The following STPG2 variants were observed in gnomAD, a reference collection of about 807,000 sequenced individuals.
STPG2 encodes sperm tail PG-rich repeat containing 2.
STPG2 carries 56 observed loss-of-function variants against 54.2 expected under a neutral mutation model. The ratio of observed to expected loss-of-function variants is 1.03; its 90% CI spans 0.83 to 1.29. The LOEUF is 1.29. STPG2 is among the 50% of genes most tolerant of loss of function. The probability of loss-of-function intolerance (pLI) is 0.00; values close to 1 mark genes in which losing one functional copy is unlikely to be tolerated. For missense variants in STPG2, 596 were observed against 544.9 expected (o/e 1.09, Z -0.93); for synonymous variants, 200 against 181.8 (o/e 1.10, Z -0.81).
intron 5 of STPG2, among the ~76,000 whole-genome samples, chr4:98,013,871 A>G (rs1410353044): frequency 1.3e-5 from 2 of 151,738 alleles, no homozygotes; most frequent in Non-Finnish European, 2.9e-5. Flanking sequence ...CTTCTTTATT[A>G]ATGTAGCTAG....
At position 97,879,920 on chromosome 4, in the gene STPG2, C is replaced by T. The variant is rs78942433; in HGVS notation, c.1045-38988G>A. 3.7e-3 allele frequency among the ~76,000 whole-genome samples: 567 copies of T among 152,234 alleles called. 12 individuals carry two copies. In the East Asian group the frequency reaches 0.059, roughly 16 times the overall value. On this transcript the variant is annotated intron_variant, in intron 8 of 10. Transcript: ENST00000295268. ...CCTCAAAACACTAAAAATAGAGTTA[C>T]CATATTATCCAGCAATCCCATTTCT...
intron 5 of STPG2, among the ~76,000 whole-genome samples, chr4:98,078,466 C>T (rs1738238858): frequency 6.6e-6 from 1 of 151,628 alleles, no homozygotes; most frequent in Non-Finnish European, 1.5e-5. Context: ...TAAAGAGTAA[C>T]TATCTCATAG....
At chr4:97,544,356 T>C (rs1731789721) in intron 4 of STPG2, among the ~76,000 whole-genome samples, 3 of 152,124 alleles carry the variant, frequency 2.0e-5, no homozygotes, top group Admixed American at 2.0e-4. Flanking sequence ...GATTTATGTG[T>C]TAAAAGAAAT....
chr4:97,845,250 C>A (rs1202541587), intron 8 of STPG2, among the ~76,000 whole-genome samples: 1 of 151,298 alleles, frequency 6.6e-6, no homozygotes. Context: ...CCTAAGTTTT[C>A]AAATTTCAAA....
At chr4:98,122,907 T>C (rs1184651753) in intron 3 of STPG2, among the ~76,000 whole-genome samples, 2 of 152,202 alleles carry the variant, frequency 1.3e-5, no homozygotes, top group Non-Finnish European at 2.9e-5. Flanking sequence ...TTCAACTTCT[T>C]CCTGGTTCAG....
intron 9 of STPG2, among the ~76,000 whole-genome samples, chr4:97,741,948 G>A (rs371653520): frequency 8.2e-4 from 125 of 151,970 alleles, no homozygotes; most frequent in African/African-American, 2.8e-3. Flanking sequence ...ACAATAGCAA[G>A]GACTTGGAAC....
chr4:97,758,606 A>G (rs1284002974), intron 9 of STPG2, among the ~76,000 whole-genome samples: 2 of 152,042 alleles, frequency 1.3e-5, no homozygotes, highest in Admixed American at 1.3e-4. Flanking sequence ...GGAATATCAC[A>G]CATCAGGGCC....
At chr4:97,909,237 A>C (rs940653895) in intron 8 of STPG2, among the ~76,000 whole-genome samples, 1 of 151,982 alleles carries the variant, frequency 6.6e-6, no homozygotes, top group Non-Finnish European at 1.5e-5. Context: ...GAACAACTTT[A>C]TGCAAATACA....
At chr4:97,853,087 C>A (rs530952229) in intron 8 of STPG2, among the ~76,000 whole-genome samples, 2 of 149,154 alleles carry the variant, frequency 1.3e-5, no homozygotes, top group South Asian at 4.2e-4. Context: ...CGCCATTCCC[C>A]TGCCTCATCC....
chr4:97,614,623 A>G (rs1400630549), intron 10 of STPG2, among the ~76,000 whole-genome samples: 1 of 152,094 alleles, frequency 6.6e-6, no homozygotes, highest in Non-Finnish European at 1.5e-5. Flanking sequence ...TTTTGCTTTG[A>G]CTGGACCACT....
chr4:97,894,541 G>T (rs1730889265), intron 8 of STPG2, among the ~76,000 whole-genome samples: 1 of 151,912 alleles, frequency 6.6e-6, no homozygotes, highest in Admixed American at 6.6e-5. Context: ...TTTCTGATGG[G>T]TTCAACTTTT....
intron 9 of STPG2, among the ~76,000 whole-genome samples, chr4:97,720,069 G>T (rs905465701): frequency 6.6e-6 from 1 of 151,830 alleles, no homozygotes; most frequent in Non-Finnish European, 1.5e-5. Context: ...GACCAAATTG[G>T]CAAACTTACT....
intron 9 of STPG2, among the ~76,000 whole-genome samples, chr4:97,823,717 G>A (rs111331904): frequency 0.018 from 2,758 of 152,134 alleles, 75 homozygotes; most frequent in African/African-American, 0.063. Context: ...AGAGACACCC[G>A]ACCCAAAGGA....
chr4:97,533,415 T>C (rs549140965), intron 4 of STPG2, among the ~76,000 whole-genome samples: 2 of 152,228 alleles, frequency 1.3e-5, no homozygotes, highest in African/African-American at 4.8e-5. Flanking sequence ...GTCGTTATTG[T>C]TTCTTAATTC....
At chr4:97,745,855 C>A (rs1725406782) in intron 9 of STPG2, among the ~76,000 whole-genome samples, 2 of 151,162 alleles carry the variant, frequency 1.3e-5, no homozygotes, top group African/African-American at 4.8e-5. Context: ...AATAAAAGTT[C>A]TCAAATGTCA....
intron 10 of STPG2, among the ~76,000 whole-genome samples, chr4:97,657,141 T>C (rs866546057): frequency 3.8e-4 from 57 of 151,974 alleles, no homozygotes; most frequent in Middle Eastern, 3.5e-3. Flanking sequence ...TTTAATGCAA[T>C]AATGGAATAA....
At chr4:98,141,537 C>T (rs1227541887) in intron 1 of STPG2, among the ~76,000 whole-genome samples, 2 of 152,164 alleles carry the variant, frequency 1.3e-5, no homozygotes, top group African/African-American at 2.4e-5. Context: ...CAATTGTCAA[C>T]CAGAAAATGT....
chr4:97,639,469 A>G (rs1056757761), intron 10 of STPG2, among the ~76,000 whole-genome samples: 2 of 152,016 alleles, frequency 1.3e-5, no homozygotes, highest in African/African-American at 4.8e-5. Flanking sequence ...CAATGTGCAC[A>G]TGTACCCTAA....
At chr4:97,502,075 GATAA>G (rs982293579) in intron 4 of STPG2, among the ~76,000 whole-genome samples, 1 of 151,816 alleles carries the variant, frequency 6.6e-6, no homozygotes, top group African/African-American at 2.4e-5. Context: ...ATTGAGAGTT[GATAA>G]ATAGACACAC....
Sources: gnomAD v4.1 joint callset for allele counts (sites outside exome capture counted in the v4.1 genomes callset) on GRCh38, gnomAD v4.1.1 for gene constraint, MANE v1.5 for transcripts, NCBI Gene and HGNC (gene_info 2026-07-23, HGNC 2026-07-21) for gene names.